The following DOC2B variants were observed in gnomAD, a reference collection of about 807,000 sequenced individuals.
DOC2B encodes double C2 domain beta, also known as double C2-like domain-containing protein beta.
DOC2B carries 21 observed loss-of-function variants against 28.9 expected under a neutral mutation model. The observed-to-expected ratio is 0.73, with a 90% CI of 0.52 to 1.05. The LOEUF (loss-of-function observed/expected upper bound fraction) is 1.05, where lower values mean the gene tolerates loss of function less well. Ranked by LOEUF, DOC2B falls within the 50% of genes least tolerant of loss-of-function variation. The pLI is 0.00. For synonymous variants in DOC2B, 194 were observed against 178.1 expected (o/e 1.09, Z -0.71); for missense variants, 384 against 421.1 (o/e 0.91, Z 0.77).
chr17:161,298 G>T, intron 5 of DOC2B, 117 bp downstream of exon 5: 2 of 1,114,178 alleles, frequency 1.8e-6, no homozygotes, highest in Non-Finnish European at 2.6e-6. Flanking sequence ...CACCTCCCCG[G>T]TCTCCCCTCC....
intron 6 of DOC2B, among the ~76,000 whole-genome samples, chr17:152,407 T>C (rs776205783): frequency 1.3e-5 from 2 of 152,188 alleles, no homozygotes; most frequent in Non-Finnish European, 2.9e-5. Flanking sequence ...CCTCAAGAGC[T>C]GGGCCTGGGG....
chr17:158,125 G>A (rs1192469933), intron 5 of DOC2B, among the ~76,000 whole-genome samples: 3 of 152,154 alleles, frequency 2.0e-5, no homozygotes, highest in African/African-American at 7.2e-5. Context: ...GCCAGTGCCT[G>A]CCTCTCAAGG....
chr17:181,405 G>A lies in DOC2B; in HGVS notation c.75C>T (p.Gly25=), dbSNP rs1352014404. ...AGATCTGCTTGATGGGACGGATGGGGCCGGGGCACACGTCGATGGCCATAT... is the reference window on the plus strand; with the variant it reads ...AGATCTGCTTGATGGGACGGATGGGACCGGGGCACACGTCGATGGCCATAT... ...QEHMAIDVCP[G]PIRPIKQISD... The change falls in exon 1 of 9, where the codon GGC becomes GGT. Residue 25 remains glycine (G), a synonymous_variant. Transcript: ENST00000613549. This position sits in a 1 kb window ranked among gnomAD's most constrained non-coding sequence, Gnocchi z 7.0. 3 of 1,180,226 alleles carry A rather than the reference G, an allele frequency of 2.5e-6. No individual in the cohort carries two copies. The highest frequency in any genetic ancestry group is 2.3e-5 in the South Asian group (1 of 42,686). 73.1% of individuals were successfully genotyped at this position (1,180,226 alleles called of 1,614,324 possible).
chr17:160,580 C>A (rs1037251589), intron 5 of DOC2B, among the ~76,000 whole-genome samples: 4 of 152,148 alleles, frequency 2.6e-5, no homozygotes, highest in African/African-American at 9.7e-5. Context: ...AGGGGGACAA[C>A]GTGCCATCGA....
intron 1 of DOC2B, among the ~76,000 whole-genome samples, chr17:180,537 C>G (rs1325955217): frequency 6.6e-6 from 1 of 152,142 alleles, no homozygotes; most frequent in African/African-American, 2.4e-5. Flanking sequence ...CAAGCGGCCC[C>G]GCGGTCCTCC....
chr17:160,620 C>T (rs965209895), intron 5 of DOC2B, among the ~76,000 whole-genome samples: 6 of 152,136 alleles, frequency 3.9e-5, no homozygotes, highest in African/African-American at 7.2e-5. Flanking sequence ...GTGTCCTGAA[C>T]GCTGGGAGGC....
chr17:180,475 C>T (rs937831046), intron 1 of DOC2B, among the ~76,000 whole-genome samples: 36 of 152,126 alleles, frequency 2.4e-4, no homozygotes, highest in Non-Finnish European at 7.4e-5. Context: ...GCGAGGGCTG[C>T]GGCGGGGTCC....
chr17:170,719 C>A (rs2040302460), intron 2 of DOC2B, among the ~76,000 whole-genome samples: 1 of 152,170 alleles, frequency 6.6e-6, no homozygotes, highest in Non-Finnish European at 1.5e-5. Flanking sequence ...GAACATGGAG[C>A]TGACACATGC....
chr17:173,019 G>A (rs747256036), intron 1 of DOC2B, among the ~76,000 whole-genome samples: 1 of 152,170 alleles, frequency 6.6e-6, no homozygotes, highest in Non-Finnish European at 1.5e-5. Flanking sequence ...CGGAGGAGAC[G>A]AGGCTTTGAG....
chr17:180,097 T>TC (rs2040421200), intron 1 of DOC2B, among the ~76,000 whole-genome samples: 1 of 152,186 alleles, frequency 6.6e-6, no homozygotes, highest in East Asian at 1.9e-4. Context: ...AAGGGCCACA[T>TC]CCCGGGAAGG....
At chr17:159,260 G>A (rs549404120) in intron 5 of DOC2B, among the ~76,000 whole-genome samples, 1 of 152,278 alleles carries the variant, frequency 6.6e-6, no homozygotes, top group East Asian at 1.9e-4. Context: ...GGAGGCCGAG[G>A]CAGGAGGATC....
chr17:156,164 AC>A, intron 6 of DOC2B, 55 bp downstream of exon 6: 1 of 1,488,912 alleles, frequency 6.7e-7, no homozygotes, highest in Non-Finnish European at 9.0e-7. Context: ...CGGCACACGG[AC>A]CCCCGTCCTT....
chr17:170,405 G>T (rs1404594724), intron 2 of DOC2B, among the ~76,000 whole-genome samples: 1 of 152,178 alleles, frequency 6.6e-6, no homozygotes, highest in Non-Finnish European at 1.5e-5. Flanking sequence ...TGGGCTGGGG[G>T]ACAGCCTGGG....
intron 5 of DOC2B, among the ~76,000 whole-genome samples, chr17:156,636 G>A (rs1214919466): frequency 6.6e-6 from 1 of 152,204 alleles, no homozygotes; most frequent in African/African-American, 2.4e-5. Context: ...GCCCAGCAAG[G>A]GCCAGCCCAG....
chr17:175,142 G>A (rs887141484), intron 1 of DOC2B, among the ~76,000 whole-genome samples: 22 of 152,194 alleles, frequency 1.4e-4, no homozygotes, highest in African/African-American at 5.3e-4. Context: ...GGAGGCTGAG[G>A]TGGGAGGACC....
chr17:143,115 T>C lies in DOC2B; in HGVS notation c.*4326A>G, dbSNP rs2039995726. 6.6e-6 allele frequency: 1 copy of C among 152,106 alleles called. No individual in the cohort carries two copies. The highest frequency in any genetic ancestry group is 1.9e-4 in the East Asian group (1 of 5,188). 9.4% of individuals were successfully genotyped at this position (152,106 alleles called of 1,614,324 possible). ...ATGGTCGACAGGTCCTGGTGCAAAA[T>C]GTCTTGGGCTGCCTCAGTTTGAATC... On this transcript the variant is annotated 3_prime_UTR_variant, in exon 9 of 9. Transcript: ENST00000613549.
rs1447769797 is a variant in DOC2B at position 150,405 on chromosome 17, CT to C, written c.924-1214del. 4.6e-5 allele frequency among the ~76,000 whole-genome samples: 7 copies of C among 152,034 alleles called. No individual in the cohort carries two copies. In the East Asian group the frequency reaches 1.2e-3, roughly 25 times the overall value. On this transcript the variant is annotated intron_variant, in intron 6 of 8. Coordinates refer to ENST00000613549, the MANE Select transcript of DOC2B (RefSeq NM_003585.5). ...CGCCCAAAGACACGCCCATGTCCAG[CT>C]TAACCTGCATCCCTAGAAGTGAAGG...
chr17:179,509 G>A (rs560341272), intron 1 of DOC2B, among the ~76,000 whole-genome samples: 68 of 152,334 alleles, frequency 4.5e-4, no homozygotes, highest in Middle Eastern at 6.8e-3. Flanking sequence ...CCTTGGTGCA[G>A]CAGCAGAGAT....
intron 6 of DOC2B, among the ~76,000 whole-genome samples, chr17:153,562 G>A (rs191060387): frequency 8.5e-5 from 13 of 152,230 alleles, no homozygotes; most frequent in East Asian, 1.9e-4. Context: ...TTAGCCTGGC[G>A]TGGTGGCGCA....
Sources: allele counts gnomAD v4.1 joint callset (sites outside exome capture counted in the v4.1 genomes callset), GRCh38; gene constraint gnomAD v4.1.1; non-coding constraint Gnocchi (gnomAD v3.1); transcripts MANE v1.5; gene names NCBI Gene and HGNC (gene_info 2026-07-23, HGNC 2026-07-21).